KIAA0319: variants seen among roughly 807,000 people sequenced by gnomAD.
KIAA0319 encodes the protein dyslexia-associated protein KIAA0319.
In KIAA0319, 83 loss-of-function variants were observed where a neutral mutation model predicts 108.4. The observed-to-expected ratio is 0.77, with a 90% CI of 0.64 to 0.92. The LOEUF (loss-of-function observed/expected upper bound fraction) is 0.92, where lower values mean the gene tolerates loss of function less well. Ranked by LOEUF, KIAA0319 falls within the 40% of genes least tolerant of loss-of-function variation. The pLI is 0.00. For synonymous variants in KIAA0319, 484 were observed against 510.4 expected (o/e 0.95, Z 0.70); for missense variants, 1,195 against 1,322.4 (o/e 0.90, Z 1.49).
chr6:24,620,589 C>G (rs975363519), intron 1 of KIAA0319, among the ~76,000 whole-genome samples: 1 of 152,356 alleles, frequency 6.6e-6, no homozygotes, highest in African/African-American at 2.4e-5. Flanking sequence ...GCATAAGCCA[C>G]TGCTCCCGGC....
At chr6:24,558,356 T>C (rs945166339) in intron 17 of KIAA0319, among the ~76,000 whole-genome samples, 2 of 114,188 alleles carry the variant, frequency 1.8e-5, no homozygotes, top group Admixed American at 9.5e-5. Flanking sequence ...TAGATGGATA[T>C]ATATATATCT....
chr6:24,572,233 C>G (rs923759001), intron 11 of KIAA0319, among the ~76,000 whole-genome samples: 1 of 152,182 alleles, frequency 6.6e-6, no homozygotes, highest in Non-Finnish European at 1.5e-5. Context: ...TGAACTGCAA[C>G]GTGTTCCCCA....
intron 14 of KIAA0319, 33 bp from the exon 15 acceptor site, chr6:24,564,373 C>A (rs748319045): frequency 1.1e-5 from 18 of 1,612,406 alleles, no homozygotes; most frequent in Admixed American, 1.7e-5. Flanking sequence ...GGGCAGCTGT[C>A]AATCCTCGGG....
chr6:24,567,077 G>A (rs1177625009), intron 13 of KIAA0319, among the ~76,000 whole-genome samples: 1 of 152,050 alleles, frequency 6.6e-6, no homozygotes, highest in African/African-American at 2.4e-5. Context: ...TATTGAAAGT[G>A]GCAATATTTT....
At chr6:24,633,280 C>A (rs1253015616) in intron 1 of KIAA0319, among the ~76,000 whole-genome samples, 1 of 152,046 alleles carries the variant, frequency 6.6e-6, no homozygotes, top group Non-Finnish European at 1.5e-5. Flanking sequence ...CCAGGCAGGA[C>A]CAAAAGCATT....
At chr6:24,630,121 G>A (rs1410299558) in intron 1 of KIAA0319, among the ~76,000 whole-genome samples, 6 of 152,048 alleles carry the variant, frequency 3.9e-5, no homozygotes, top group Non-Finnish European at 2.9e-5. Context: ...GGAGGTTGCC[G>A]TGAGAAGAGA....
At chr6:24,571,114 C>T (rs906412117) in intron 11 of KIAA0319, among the ~76,000 whole-genome samples, 2 of 151,780 alleles carry the variant, frequency 1.3e-5, no homozygotes, top group African/African-American at 4.8e-5. Context: ...ATCATTTGAA[C>T]CCGGGAGGCA....
chr6:24,622,700 T>C (rs932295724), intron 1 of KIAA0319, among the ~76,000 whole-genome samples: 2 of 152,142 alleles, frequency 1.3e-5, no homozygotes, highest in Non-Finnish European at 2.9e-5. Context: ...ACTAACCCAG[T>C]GAGGCAGGTA....
chr6:24,559,211 A>G (rs1050121997), intron 16 of KIAA0319, 56 bp from the exon 17 acceptor site: 2 of 1,579,044 alleles, frequency 1.3e-6, no homozygotes, highest in African/African-American at 2.7e-5. Flanking sequence ...GACTACCATG[A>G]CACGCCCACC....
At chr6:24,591,171 G>A (rs533175973) in intron 3 of KIAA0319, among the ~76,000 whole-genome samples, 22 of 152,250 alleles carry the variant, frequency 1.4e-4, no homozygotes, top group African/African-American at 5.3e-4. Flanking sequence ...TTTATGCATA[G>A]TACTGTTATG....
chr6:24,645,781 G>A lies in KIAA0319; in HGVS notation c.-151C>T, dbSNP rs114138463. The A allele has an allele frequency of 0.014, 2,085 of 151,050 alleles. 23 individuals carry two copies. Among genetic ancestry groups the A allele is most frequent in the Non-Finnish European group, 0.02 (1,390 of 68,066 alleles). The allele number at this position is 151,050 out of a possible 1,614,324, so 9.4% of individuals were successfully genotyped here. The stretch of plus-strand genomic sequence containing the variant: ...ACTGAAGCTCGCCCCATGCGTTGCT[G>A]CTGGCCCTGAGCATCACTCGCCGTC... On this transcript the variant is annotated 5_prime_UTR_variant, in exon 1 of 21. Coordinates refer to ENST00000378214, the MANE Select transcript of KIAA0319 (RefSeq NM_014809.4).
chr6:24,591,500 C>T (rs12210323), intron 3 of KIAA0319, among the ~76,000 whole-genome samples: 5,179 of 152,178 alleles, frequency 0.034, 136 homozygotes, highest in Middle Eastern at 0.085. Context: ...ACTCAAGAGG[C>T]TGAGGTGAGA....
chr6:24,581,221 T>TA (rs1383955389), intron 6 of KIAA0319, among the ~76,000 whole-genome samples: 3 of 152,226 alleles, frequency 2.0e-5, no homozygotes, highest in Non-Finnish European at 4.4e-5. Flanking sequence ...GACAGGCCTT[T>TA]AGCTTCGCTG....
chr6:24,542,104 G>A (rs1291286616), downstream of KIAA0319, among the ~76,000 whole-genome samples: 1 of 152,160 alleles, frequency 6.6e-6, no homozygotes, highest in African/African-American at 2.4e-5. Flanking sequence ...TTGCACCACT[G>A]CGCTCCAGCC....
rs936322966 is a variant in KIAA0319 at position 24,545,387 on chromosome 6, C to T, written c.*1778G>A. The T allele has an allele frequency of 1.6e-4, 25 of 152,160 alleles. No individual in the cohort carries two copies. Among genetic ancestry groups the T allele is most frequent in the African/African-American group, 6.0e-4 (25 of 41,424 alleles). 9.4% of individuals were successfully genotyped at this position (152,160 alleles called of 1,614,324 possible). On this transcript the variant is annotated 3_prime_UTR_variant, in exon 21 of 21. Coordinates refer to ENST00000378214, the MANE Select transcript of KIAA0319 (RefSeq NM_014809.4). Reference sequence around the variant, plus strand: ...ATGTACATAAAGCGGTAAATGTTCACTCCCTTCTTCCTCATTACGCCCGAT... The same window carrying T: ...ATGTACATAAAGCGGTAAATGTTCATTCCCTTCTTCCTCATTACGCCCGAT...
At chr6:24,553,318 C>T (rs1274952663) in intron 19 of KIAA0319, among the ~76,000 whole-genome samples, 1 of 114,652 alleles carries the variant, frequency 8.7e-6, no homozygotes, top group Non-Finnish European at 1.8e-5. Flanking sequence ...CACACACACA[C>T]ACACACACAC....
chr6:24,570,089 A>G, intron 11 of KIAA0319, 54 bp from the exon 12 acceptor site: 1 of 1,555,282 alleles, frequency 6.4e-7, no homozygotes, highest in Non-Finnish European at 8.8e-7. Flanking sequence ...TTAAGTCTGC[A>G]ATCCTGTGAT....
chr6:24,618,991 T>C (rs1487279843), intron 1 of KIAA0319, among the ~76,000 whole-genome samples: 2 of 152,056 alleles, frequency 1.3e-5, no homozygotes, highest in Non-Finnish European at 2.9e-5. Context: ...GAGTGAATCA[T>C]GTGGACAGCT....
At chr6:24,560,068 T>C (rs528705217) in intron 16 of KIAA0319, among the ~76,000 whole-genome samples, 35 of 152,384 alleles carry the variant, frequency 2.3e-4, no homozygotes, top group African/African-American at 7.2e-4. Context: ...TGATATTCTG[T>C]TGTATGAATA....
Sources: allele counts gnomAD v4.1 joint callset (sites outside exome capture counted in the v4.1 genomes callset), GRCh38; gene constraint gnomAD v4.1.1; transcripts MANE v1.5; gene names NCBI Gene and HGNC (gene_info 2026-07-23, HGNC 2026-07-21).